Variants in TTLL5 observed in about 807,000 individuals in gnomAD.
TTLL5 encodes the protein tubulin tyrosine ligase like 5, also known as tubulin polyglutamylase TTLL5.
TTLL5 carries 132 observed loss-of-function variants against 168.4 expected under a neutral mutation model. That is an observed-to-expected ratio of 0.78 (90% CI 0.68 to 0.91). The LOEUF (loss-of-function observed/expected upper bound fraction) is 0.91, where lower values mean the gene tolerates loss of function less well. Among genes scored for constraint, TTLL5 ranks in the 40% least tolerant of loss-of-function variants. The pLI is 0.00. For synonymous variants in TTLL5, 546 were observed against 558.6 expected, an observed-to-expected ratio of 0.98 and a Z score of 0.32; for missense variants, 1,545 against 1,581.5, an observed-to-expected ratio of 0.98 and a Z score of 0.39.
chr14:75,787,001 C>T (rs1264153282), intron 26 of TTLL5, among the ~76,000 whole-genome samples: 9 of 151,984 alleles, frequency 5.9e-5, no homozygotes, highest in Admixed American at 1.3e-4. Context: ...GGCATGGTGG[C>T]GCTGGCCTGT....
chr14:75,855,159 A>G (rs1174980683), intron 28 of TTLL5, among the ~76,000 whole-genome samples: 2 of 151,532 alleles, frequency 1.3e-5, no homozygotes, highest in Non-Finnish European at 2.9e-5. Context: ...AGAAAAAAAA[A>G]AAAAAAAGAA....
chr14:75,678,385 A>G (rs902405003), intron 3 of TTLL5, among the ~76,000 whole-genome samples: 4 of 152,224 alleles, frequency 2.6e-5, no homozygotes, highest in South Asian at 2.1e-4. Context: ...GGCATATTCT[A>G]TATAAGCACA....
intron 31 of TTLL5, among the ~76,000 whole-genome samples, chr14:75,920,493 TGC>T (rs2033788100): frequency 1.3e-5 from 2 of 152,138 alleles, no homozygotes; most frequent in South Asian, 4.1e-4. Flanking sequence ...AATGAGAACA[TGC>T]GGTGTTTGGT....
chr14:75,676,305 C>T (rs1884152520), intron 3 of TTLL5, among the ~76,000 whole-genome samples: 1 of 152,162 alleles, frequency 6.6e-6, no homozygotes, highest in South Asian at 2.1e-4. Flanking sequence ...TACCAGGTTT[C>T]TTAAGAGAAG....
chr14:75,773,597 A>T (rs1417797647), intron 21 of TTLL5, among the ~76,000 whole-genome samples: 1 of 152,052 alleles, frequency 6.6e-6, no homozygotes, highest in African/African-American at 2.4e-5. Flanking sequence ...CTTTCTTGAA[A>T]ATATATCTAG....
intron 31 of TTLL5, chr14:75,906,431 G>C: frequency 1.4e-6 from 1 of 720,920 alleles, no homozygotes; most frequent in Non-Finnish European, 1.7e-6. Context: ...AATTTGACAG[G>C]AAGTGGGGTG....
At chr14:75,828,060 A>G (rs538231691) in intron 28 of TTLL5, among the ~76,000 whole-genome samples, 2 of 152,118 alleles carry the variant, frequency 1.3e-5, no homozygotes, top group East Asian at 3.9e-4. Context: ...TCTTTCTGTG[A>G]TGAGAATGAA....
At chr14:75,892,211 C>T (rs767180858) in intron 30 of TTLL5, among the ~76,000 whole-genome samples, 10 of 152,230 alleles carry the variant, frequency 6.6e-5, no homozygotes, top group Non-Finnish European at 1.0e-4. Context: ...ACTTTCACAT[C>T]CATTTCCCCC....
rs1010835265 is a variant in TTLL5 at position 75,919,091 on chromosome 14, C to T, written c.3823+16867C>T. On this transcript the variant is annotated intron_variant, in intron 31 of 31. Transcript: ENST00000298832. ...TGGCACGTGCCTGTAATCCCAGCTA[C>T]TCGGGAGGCTGAGGCAGGAGAATTG... Among the ~76,000 whole-genome samples, 44 of 141,982 alleles carry T rather than the reference C, an allele frequency of 3.1e-4. 1 individual carries two copies. In the Admixed American group the frequency reaches 3.3e-3, roughly 11 times the overall value. 93.1% of individuals were successfully genotyped at this position (141,982 alleles called of 152,430 possible). A position where few individuals can be genotyped will look rare whatever the true frequency, so the allele number is the denominator to read the frequency against.
chr14:75,917,362 C>G (rs568161530), intron 31 of TTLL5, among the ~76,000 whole-genome samples: 2 of 152,366 alleles, frequency 1.3e-5, no homozygotes, highest in South Asian at 4.1e-4. Flanking sequence ...CACACCCAAG[C>G]AGTTTTTTTC....
intron 2 of TTLL5, among the ~76,000 whole-genome samples, chr14:75,667,784 C>T (rs1053038618): frequency 1.3e-4 from 13 of 100,558 alleles, no homozygotes; most frequent in African/African-American, 3.5e-4. Flanking sequence ...TTTATTGAGA[C>T]GGAGTCTTGC....
chr14:75,736,811 C>A (rs932559701), intron 15 of TTLL5, among the ~76,000 whole-genome samples: 1 of 152,114 alleles, frequency 6.6e-6, no homozygotes. Flanking sequence ...AGGCTATTAT[C>A]TTGGATTAAA....
intron 28 of TTLL5, among the ~76,000 whole-genome samples, chr14:75,829,933 C>G (rs1462995065): frequency 6.6e-6 from 1 of 152,094 alleles, no homozygotes; most frequent in Non-Finnish European, 1.5e-5. Context: ...ATATAAAAGC[C>G]TAGAAGTTGG....
At chr14:75,811,190 T>A (rs1325236668) in intron 27 of TTLL5, among the ~76,000 whole-genome samples, 1 of 112,518 alleles carries the variant, frequency 8.9e-6, no homozygotes, top group Non-Finnish European at 2.1e-5. Flanking sequence ...TGTGTGTGTA[T>A]GTGTGTGTGT....
At position 75,819,992 on chromosome 14, in the gene TTLL5, T is replaced by G. The variant is rs1208543376; in HGVS notation, c.3172-15T>G. ...ACTCTGTAAAGTCAGGTTATTTCCC[T>G]CGCTTTATTTCTAGGTAACAAACCT... On this transcript the variant is annotated splice_polypyrimidine_tract_variant and intron_variant, in intron 27 of 31. Coordinates refer to ENST00000298832, the MANE Select transcript of TTLL5 (RefSeq NM_015072.5). 3 of 1,584,212 alleles carry G rather than the reference T, an allele frequency of 1.9e-6. No individual in the cohort carries two copies. Among genetic ancestry groups the G allele is most frequent in the African/African-American group, 2.7e-5 (2 of 73,162 alleles).
At chr14:75,677,810 T>C (rs78308706) in intron 3 of TTLL5, among the ~76,000 whole-genome samples, 1 of 151,894 alleles carries the variant, frequency 6.6e-6, no homozygotes, top group Admixed American at 6.6e-5. Flanking sequence ...TTTTTTTTTT[T>C]TGTTAGTGAC....
rs1894740143 is a variant in TTLL5, at chr14:75,820,091, A to G, written c.3256A>G (p.Ser1086Gly). 2 of 1,609,670 alleles carry G rather than the reference A, an allele frequency of 1.2e-6. No individual in the cohort carries two copies. The highest frequency in any genetic ancestry group is 1.7e-5 in the Admixed American group (1 of 59,384). ...PPTLRPIISP[S>G]GPTWSTQSDP... ...AACCCTCCGACCCATCATCAGTCCT[A>G]GTGGCCCGACATGGTCTACACAGTC... Residue 1086 changes from serine to glycine, a missense_variant, in exon 28 of 32, where the codon AGT (serine) becomes GGT (glycine). Transcript: ENST00000298832.
intron 30 of TTLL5, among the ~76,000 whole-genome samples, chr14:75,891,619 G>A (rs557922629): frequency 6.6e-6 from 1 of 152,298 alleles, no homozygotes; most frequent in South Asian, 2.1e-4. Context: ...TGGTGATGGT[G>A]GAGATGGAAG....
intron 27 of TTLL5, among the ~76,000 whole-genome samples, chr14:75,810,518 C>T (rs1036661612): frequency 6.6e-6 from 1 of 152,034 alleles, no homozygotes; most frequent in Non-Finnish European, 1.5e-5. Context: ...CAGGCATGCA[C>T]CACCATGCCT....
Sources: allele counts gnomAD v4.1 joint callset (sites outside exome capture counted in the v4.1 genomes callset), GRCh38; gene constraint gnomAD v4.1.1; transcripts MANE v1.5; gene names NCBI Gene and HGNC (gene_info 2026-07-23, HGNC 2026-07-21).